Variants in DERA observed in about 807,000 individuals in gnomAD.
The protein encoded by DERA is deoxyribose-phosphate aldolase, also known as 2-deoxy-D-ribose 5-phosphate aldolase.
A neutral mutation model predicts 41.1 loss-of-function variants in DERA; 15 were observed. The observed-to-expected ratio is 0.37, with a 90% CI of 0.24 to 0.56. The LOEUF is 0.56. DERA is among the 20% of genes least tolerant of loss of function. The pLI is 0.81. For missense variants in DERA, 396 were observed against 403.4 expected, an observed-to-expected ratio of 0.98 and a Z score of 0.16; for synonymous variants, 139 against 137.4, an observed-to-expected ratio of 1.01 and a Z score of -0.08.
intron 6 of DERA, among the ~76,000 whole-genome samples, chr12:16,029,335 A>G (rs1364509796): frequency 2.6e-5 from 4 of 152,112 alleles, no homozygotes; most frequent in Non-Finnish European, 4.4e-5. Context: ...AGGCAGGAGA[A>G]TGGCGTGAAC....
rs1175775196 is a variant in DERA, at chr12:15,977,165, C to T, written c.509-5143C>T. Among the ~76,000 whole-genome samples the T allele has an allele frequency of 9.9e-5, 15 of 152,074 alleles. No individual in the cohort carries two copies. In the East Asian group the frequency reaches 2.9e-3, roughly 29 times the overall value. On this transcript the variant is annotated intron_variant, in intron 5 of 8. Transcript: ENST00000428559. The stretch of plus-strand genomic sequence containing the variant: ...AAACCAGGTCCTAGGATTCTAATGC[C>T]CATCTGTCAAGTGAGTAGTTTGAAC...
rs2136120441 is a variant in DERA, at chr12:15,913,470, G to T, written c.31+2056G>T. ...TGATTTTTAAAATAGTTTTCTAATT[G>T]AAAGTCTTTTTAATAAACATCGTAA... On this transcript the variant is annotated intron_variant, in intron 1 of 8. Coordinates refer to ENST00000428559, the MANE Select transcript of DERA (RefSeq NM_015954.4). This position sits in a 1 kb window ranked among gnomAD's most constrained non-coding sequence, Gnocchi z 4.5. Among the ~76,000 whole-genome samples the T allele has an allele frequency of 6.6e-6, 1 of 152,228 alleles. No individual in the cohort carries two copies. The highest frequency in any genetic ancestry group is 1.9e-4 in the East Asian group (1 of 5,188).
intron 1 of DERA, among the ~76,000 whole-genome samples, chr12:15,947,194 G>A (rs1287261209): frequency 2.0e-5 from 3 of 152,334 alleles, no homozygotes; most frequent in Admixed American, 2.0e-4. Context: ...TTGATTTAGG[G>A]TGGAGAGTTC....
rs535258368 is a variant in DERA, at chr12:15,921,798, C to T, written c.31+10384C>T. Reference sequence around the variant, plus strand: ...AAAATTAACCGGGCTTGGTGGCGAGCGCCTGTAATCCCAGCTACTCGGGAG... The same window carrying T: ...AAAATTAACCGGGCTTGGTGGCGAGTGCCTGTAATCCCAGCTACTCGGGAG... On this transcript the variant is annotated intron_variant, in intron 1 of 8. Transcript: ENST00000428559. The surrounding 1 kb of genome is among the most constrained non-coding windows in gnomAD (Gnocchi z 5.3). Among the ~76,000 whole-genome samples the T allele has an allele frequency of 3.9e-5, 6 of 151,902 alleles. No individual in the cohort carries two copies. The South Asian group carries it at 1.3e-3, about 32-fold the overall frequency.
In DERA at chr12:15,967,870, T is replaced by C. The variant is rs1305372275; in HGVS notation, c.508+4923T>C. 6.6e-6 allele frequency among the ~76,000 whole-genome samples: 1 copy of C among 152,202 alleles called. No individual in the cohort carries two copies. Among genetic ancestry groups the C allele is most frequent in the East Asian group, 1.9e-4 (1 of 5,190 alleles). On this transcript the variant is annotated intron_variant, in intron 5 of 8. Transcript: ENST00000428559. The surrounding 1 kb of genome is among the most constrained non-coding windows in gnomAD (Gnocchi z 4.9). The stretch of plus-strand genomic sequence containing the variant: ...GTATTGTAGGCTCTCAAAATTACAA[T>C]ACCTGACAAACATTTTCAAATGATT...
Position 15,983,418 on chromosome 12 carries a change from CTT to C in DERA, c.637+984_637+985del. Among the ~76,000 whole-genome samples, 1 of 152,286 alleles carries C rather than the reference CTT, an allele frequency of 6.6e-6. No individual in the cohort carries two copies. The highest frequency in any genetic ancestry group is 2.1e-4 in the South Asian group (1 of 4,824). On this transcript the variant is annotated intron_variant, in intron 6 of 8. Transcript: ENST00000428559. This position sits in a 1 kb window ranked among gnomAD's most constrained non-coding sequence, Gnocchi z 6.2. ...GATGGTGCCATCCAACCTTTTGAGT[CTT>C]TGTACGTTCTGTGCCTCCTGCCCGG...
intron 1 of DERA, among the ~76,000 whole-genome samples, chr12:15,951,048 C>T (rs1001008939): frequency 6.6e-6 from 1 of 152,200 alleles, no homozygotes; most frequent in Non-Finnish European, 1.5e-5. Context: ...CCTGCAGATT[C>T]TGTAAACAAG....
In DERA at chr12:16,036,189, C is replaced by T. The variant is rs1284692694; in HGVS notation, c.751-43C>T. The T allele has an allele frequency of 1.4e-6, 2 of 1,465,734 alleles. No individual in the cohort carries two copies. Among genetic ancestry groups the T allele is most frequent in the Non-Finnish European group, 9.1e-7 (1 of 1,100,954 alleles). The allele number at this position is 1,465,734 out of a possible 1,614,324, so 90.8% of individuals were successfully genotyped here. A position where few individuals can be genotyped will look rare whatever the true frequency, so the allele number is the denominator to read the frequency against. On this transcript the variant is annotated intron_variant, in intron 7 of 8. Coordinates refer to ENST00000428559, the MANE Select transcript of DERA (RefSeq NM_015954.4). The surrounding 1 kb of genome is among the most constrained non-coding windows in gnomAD (Gnocchi z 4.9). ...CATAGTACTATTTTTAAAAGAAATCCAATAACAATAAAGATTGTTCTATTC... is the reference window on the plus strand; with the variant it reads ...CATAGTACTATTTTTAAAAGAAATCTAATAACAATAAAGATTGTTCTATTC...
In DERA at chr12:15,999,906, G is replaced by A. The variant is rs1041379053; in HGVS notation, c.637+17470G>A. ...AGCAGTGATCAGATTTTCATTTTAG[G>A]GACATAACCTTTGGGCAATGTGTTT... On this transcript the variant is annotated intron_variant, in intron 6 of 8. Transcript: ENST00000428559. This position sits in a 1 kb window ranked among gnomAD's most constrained non-coding sequence, Gnocchi z 5.3. Among the ~76,000 whole-genome samples the A allele has an allele frequency of 1.3e-5, 2 of 152,132 alleles. No homozygotes were observed. Among genetic ancestry groups the A allele is most frequent in the African/African-American group, 4.8e-5 (2 of 41,434 alleles).
rs778876659 is a variant in DERA at position 16,019,638 on chromosome 12, G to T, written c.638-12904G>T. ...TTTGCTTTTGGTGTTTCTTTTTATG[G>T]TGGTGTTCTTCCATGTGTGCCCTCT... is the stretch of plus-strand genomic sequence containing the variant. On this transcript the variant is annotated intron_variant, in intron 6 of 8. Transcript: ENST00000428559. This position sits in a 1 kb window ranked among gnomAD's most constrained non-coding sequence, Gnocchi z 4.4. Among the ~76,000 whole-genome samples the T allele has an allele frequency of 1.3e-5, 2 of 152,056 alleles. No homozygotes were observed. The highest frequency in any genetic ancestry group is 2.9e-5 in the Non-Finnish European group (2 of 67,992).
At position 15,911,663 on chromosome 12, in the gene DERA, T is replaced by A. The variant is rs1948164760; in HGVS notation, c.31+249T>A. 1.5e-6 allele frequency: 1 copy of A among 689,114 alleles called. No individual in the cohort carries two copies. Among genetic ancestry groups the A allele is most frequent in the African/African-American group, 1.8e-5 (1 of 56,810 alleles). The allele number at this position is 689,114 out of a possible 1,614,324, so 42.7% of individuals were successfully genotyped here. On this transcript the variant is annotated intron_variant, in intron 1 of 8. Transcript: ENST00000428559. The surrounding 1 kb of genome is among the most constrained non-coding windows in gnomAD (Gnocchi z 4.5). ...AAGGAGTAGGAAAGGGTTAGATTAT[T>A]ATCTTCCTGCCTTTTCGTTCACTCT...
At chr12:16,022,047 G>T (rs1012421815) in intron 6 of DERA, among the ~76,000 whole-genome samples, 1 of 152,148 alleles carries the variant, frequency 6.6e-6, no homozygotes, top group Admixed American at 6.5e-5. Context: ...GAGACCAGAC[G>T]CAGAATGATA....
intron 6 of DERA, among the ~76,000 whole-genome samples, chr12:16,016,791 CAAAAAAAAAAAAAAA>C (rs55996641): frequency 1.7e-5 from 1 of 58,674 alleles, no homozygotes; most frequent in Non-Finnish European, 2.7e-5. Flanking sequence ...GACCCTGTCT[CAAAAAAAAAAAAAAA>C]AAAAAAAAAA....
rs1426109987 is a variant in DERA, at chr12:15,962,849, A to G, written c.410A>G (p.Lys137Arg). ...TTTCCAGCTGGACAGACTCATTTGA[A>G]GACACGATTAGAAGAGATCAGATTG... ...AGFPAGQTHL[K>R]TRLEEIRLAV... The change falls in exon 5 of 9, where the codon AAG becomes AGG. Residue 137 changes from lysine to arginine, a missense_variant. Coordinates refer to ENST00000428559, the MANE Select transcript of DERA (RefSeq NM_015954.4). 1.9e-6 allele frequency: 3 copies of G among 1,561,440 alleles called. No individual in the cohort carries two copies. The African/African-American group carries it at 4.1e-5, about 21-fold the overall frequency.
intron 1 of DERA, among the ~76,000 whole-genome samples, chr12:15,932,857 T>C (rs1592004478): frequency 6.6e-6 from 1 of 150,504 alleles, no homozygotes; most frequent in Non-Finnish European, 1.5e-5. Flanking sequence ...GTCGTCTCTC[T>C]CCAGCCTCTG....
At chr12:16,023,224 A>G (rs1036774609) in intron 6 of DERA, among the ~76,000 whole-genome samples, 9 of 152,210 alleles carry the variant, frequency 5.9e-5, no homozygotes, top group Non-Finnish European at 4.4e-5. Context: ...GCTAAAATAC[A>G]TAGGCTCTCT....
rs1418969222 is a variant in DERA, at chr12:16,003,899, G to A, written c.637+21463G>A. On this transcript the variant is annotated intron_variant, in intron 6 of 8. Coordinates refer to ENST00000428559, the MANE Select transcript of DERA (RefSeq NM_015954.4). This position sits in a 1 kb window ranked among gnomAD's most constrained non-coding sequence, Gnocchi z 4.8. Reference sequence around the variant, plus strand: ...TCCCAACCTGGAAGAGGAGAGAGGTGTTCTGGGTTGTAGAGCTAGCCACTC... The same window carrying A: ...TCCCAACCTGGAAGAGGAGAGAGGTATTCTGGGTTGTAGAGCTAGCCACTC... Among the ~76,000 whole-genome samples, 1 of 152,200 alleles carries A rather than the reference G, an allele frequency of 6.6e-6. No homozygotes were observed. The highest frequency in any genetic ancestry group is 1.5e-5 in the Non-Finnish European group (1 of 68,028).
rs950119013 is a variant in DERA, at chr12:15,995,670, A to C, written c.637+13234A>C. ...AAAATGAAGGAATAGAGTAGGGAGG[A>C]TGGAGGGGTATGGGAGAATGGAAGT... On this transcript the variant is annotated intron_variant, in intron 6 of 8. Coordinates refer to ENST00000428559, the MANE Select transcript of DERA (RefSeq NM_015954.4). This position sits in a 1 kb window ranked among gnomAD's most constrained non-coding sequence, Gnocchi z 5.1. Among the ~76,000 whole-genome samples the C allele has an allele frequency of 6.6e-6, 1 of 152,106 alleles. No homozygotes were observed. The highest frequency in any genetic ancestry group is 2.1e-4 in the South Asian group (1 of 4,824).
chr12:16,016,652 TGTG>T (rs1948984030), intron 6 of DERA, among the ~76,000 whole-genome samples: 1 of 151,482 alleles, frequency 6.6e-6, no homozygotes, highest in Non-Finnish European at 1.5e-5. Context: ...AATTAGCTGG[TGTG>T]GTGCTGTGCA....
Sources: allele counts gnomAD v4.1 joint callset (sites outside exome capture counted in the v4.1 genomes callset), GRCh38; gene constraint gnomAD v4.1.1; non-coding constraint Gnocchi (gnomAD v3.1); transcripts MANE v1.5; gene names NCBI Gene and HGNC (gene_info 2026-07-23, HGNC 2026-07-21).